CHST9: variants seen among roughly 807,000 people sequenced by gnomAD.
CHST9 encodes the protein carbohydrate sulfotransferase 9.
In CHST9, 41 loss-of-function variants were observed where a neutral mutation model predicts 44.4. The observed-to-expected ratio is 0.92, with a 90% CI of 0.72 to 1.20. CHST9 has a LOEUF of 1.20. CHST9 is among the 50% of genes most tolerant of loss of function. CHST9 has a pLI of 0.00. For missense variants in CHST9, 504 were observed against 516.5 expected (o/e 0.98, Z 0.23); for synonymous variants, 171 against 178.4 (o/e 0.96, Z 0.33).
At chr18:27,037,526 C>G (rs942450985) in intron 3 of CHST9, among the ~76,000 whole-genome samples, 5 of 152,046 alleles carry the variant, frequency 3.3e-5, no homozygotes, top group Non-Finnish European at 7.4e-5. Flanking sequence ...CTTGTCTTTA[C>G]TAAAAATAAA....
chr18:26,923,723 G>A (rs938447411), intron 5 of CHST9, among the ~76,000 whole-genome samples: 1 of 152,292 alleles, frequency 6.6e-6, no homozygotes, highest in Non-Finnish European at 1.5e-5. Context: ...GGAAACCAAA[G>A]TTTAATTGAT....
chr18:27,079,174 G>C (rs921914188), intron 2 of CHST9, among the ~76,000 whole-genome samples: 1 of 152,158 alleles, frequency 6.6e-6, no homozygotes, highest in South Asian at 2.1e-4. Context: ...TTTACTAAAA[G>C]GGATTATGGA....
At chr18:27,075,042 G>A (rs1160619125) in intron 2 of CHST9, among the ~76,000 whole-genome samples, 2 of 150,946 alleles carry the variant, frequency 1.3e-5, no homozygotes, top group African/African-American at 4.9e-5. Context: ...CTAGGAAATA[G>A]AGACTGTAGA....
chr18:27,076,862 T>C (rs766261207), intron 2 of CHST9, among the ~76,000 whole-genome samples: 20 of 152,126 alleles, frequency 1.3e-4, no homozygotes, highest in Admixed American at 1.3e-4. Flanking sequence ...ACATGTCCAA[T>C]GAGGGGAAAG....
At chr18:27,110,063 C>G (rs924305594) in intron 2 of CHST9, among the ~76,000 whole-genome samples, 3 of 151,050 alleles carry the variant, frequency 2.0e-5, no homozygotes, top group Admixed American at 2.0e-4. Flanking sequence ...CTCAGGGTTT[C>G]AACACATTAA....
chr18:27,059,811 C>G (rs1027680427), intron 2 of CHST9, among the ~76,000 whole-genome samples: 3 of 152,188 alleles, frequency 2.0e-5, no homozygotes, highest in African/African-American at 7.2e-5. Context: ...TGAAAATATC[C>G]TCTTCACACT....
intron 3 of CHST9, among the ~76,000 whole-genome samples, chr18:27,042,660 A>T (rs1293425067): frequency 6.6e-6 from 1 of 152,090 alleles, no homozygotes; most frequent in East Asian, 1.9e-4. Flanking sequence ...CAAACTTTAC[A>T]TGTTCATTTA....
intron 4 of CHST9, among the ~76,000 whole-genome samples, chr18:26,982,308 G>A (rs1425501306): frequency 1.3e-5 from 2 of 150,368 alleles, no homozygotes; most frequent in Non-Finnish European, 3.0e-5. Context: ...CAAAATTGTG[G>A]ATAAATTTAT....
chr18:27,113,814 G>A (rs140122776), intron 2 of CHST9, among the ~76,000 whole-genome samples: 18 of 152,236 alleles, frequency 1.2e-4, no homozygotes, highest in East Asian at 1.2e-3. Flanking sequence ...AGACATAACC[G>A]TTGCTGGTCA....
Position 26,966,346 on chromosome 18 carries a change from G to T in CHST9, c.203-21980C>A, listed in dbSNP as rs541509988. 2.0e-5 allele frequency among the ~76,000 whole-genome samples: 3 copies of T among 152,220 alleles called. No homozygotes were observed. The South Asian group carries it at 6.2e-4, about 32-fold the overall frequency. ...AGAAAAGATCAGGCACAGCAAAAGC[G>T]AGTTAAAGCCTTAAAAATATGTTAT... On this transcript the variant is annotated intron_variant, in intron 4 of 5. Transcript: ENST00000618847.
chr18:27,005,269 G>A (rs2057003025), intron 4 of CHST9, among the ~76,000 whole-genome samples: 2 of 152,174 alleles, frequency 1.3e-5, no homozygotes, highest in Admixed American at 6.5e-5. Context: ...GATATTACAT[G>A]TCAAGCTTTT....
intron 3 of CHST9, among the ~76,000 whole-genome samples, chr18:27,047,002 T>C (rs140281923): frequency 7.0e-4 from 107 of 152,206 alleles, no homozygotes; most frequent in African/African-American, 2.5e-3. Context: ...ATTAAGCAAG[T>C]AACTGAACAA....
intron 2 of CHST9, among the ~76,000 whole-genome samples, chr18:27,142,218 T>C (rs2058573850): frequency 6.6e-6 from 1 of 152,238 alleles, no homozygotes; most frequent in African/African-American, 2.4e-5. Flanking sequence ...ATTTATGATC[T>C]AGTCCTTTAT....
At chr18:27,070,313 C>T (rs942073472) in intron 2 of CHST9, among the ~76,000 whole-genome samples, 1 of 152,102 alleles carries the variant, frequency 6.6e-6, no homozygotes, top group Non-Finnish European at 1.5e-5. Context: ...GAACCAGAGG[C>T]CCTACATTTT....
chr18:27,032,531 CTTTT>C (rs946723060), intron 3 of CHST9, among the ~76,000 whole-genome samples: 23 of 152,180 alleles, frequency 1.5e-4, no homozygotes, highest in African/African-American at 5.5e-4. Flanking sequence ...TTTCTTCCTT[CTTTT>C]GTCACTTGCT....
intron 2 of CHST9, among the ~76,000 whole-genome samples, chr18:27,066,641 C>A (rs970889571): frequency 6.6e-6 from 1 of 152,068 alleles, no homozygotes; most frequent in African/African-American, 2.4e-5. Flanking sequence ...CCCCCAAAGG[C>A]CTAAATCATT....
chr18:27,098,516 G>A (rs372829820), intron 2 of CHST9, among the ~76,000 whole-genome samples: 7 of 151,912 alleles, frequency 4.6e-5, no homozygotes, highest in Admixed American at 1.3e-4. Flanking sequence ...TGTTTACTCC[G>A]GCACTATTTA....
intron 4 of CHST9, among the ~76,000 whole-genome samples, chr18:26,998,256 C>T (rs1160871576): frequency 1.3e-5 from 2 of 152,222 alleles, no homozygotes; most frequent in African/African-American, 4.8e-5. Context: ...CACTGGTTTG[C>T]ACTCCTGTAT....
intron 3 of CHST9, among the ~76,000 whole-genome samples, chr18:27,035,044 A>G (rs979036104): frequency 2.0e-5 from 3 of 152,220 alleles, no homozygotes; most frequent in African/African-American, 7.2e-5. Context: ...TGGATGATAA[A>G]GTAGCTCTAT....
Sources: allele counts gnomAD v4.1 joint callset (sites outside exome capture counted in the v4.1 genomes callset), GRCh38; gene constraint gnomAD v4.1.1; transcripts MANE v1.5; gene names NCBI Gene and HGNC (gene_info 2026-07-23, HGNC 2026-07-21).